CDH18: variants seen among roughly 807,000 people sequenced by gnomAD.
CDH18 encodes the protein cadherin 18, also known as cadherin-18.
In CDH18, 31 loss-of-function variants were observed where a neutral mutation model predicts 67.9. The observed-to-expected ratio is 0.46, with a 90% CI of 0.34 to 0.62. The LOEUF (loss-of-function observed/expected upper bound fraction) is 0.62. Ranked by LOEUF, CDH18 falls within the 20% of genes least tolerant of loss-of-function variation. The pLI is 0.01. For synonymous variants in CDH18, 362 were observed against 347.2 expected (o/e 1.04, Z -0.48); for missense variants, 890 against 975.5 (o/e 0.91, Z 1.17).
intron 2 of CDH18, among the ~76,000 whole-genome samples, chr5:19,965,915 G>A (rs1051084443): frequency 2.6e-5 from 4 of 152,286 alleles, no homozygotes; most frequent in African/African-American, 9.6e-5. Flanking sequence ...GACAGAGACA[G>A]TGTGCATGCA....
At chr5:20,222,832 T>C (rs896096619) in intron 2 of CDH18, among the ~76,000 whole-genome samples, 17 of 151,912 alleles carry the variant, frequency 1.1e-4, no homozygotes, top group African/African-American at 3.9e-4. Context: ...AATAGCCTGA[T>C]TTCCTCATAG....
intron 1 of CDH18, among the ~76,000 whole-genome samples, chr5:20,478,376 C>G (rs187072335): frequency 6.6e-6 from 1 of 152,226 alleles, no homozygotes; most frequent in East Asian, 1.9e-4. Context: ...TGTCTGCTGC[C>G]CTGAAGGCAG....
chr5:19,716,545 G>A (rs916015725), intron 5 of CDH18, among the ~76,000 whole-genome samples: 7 of 151,910 alleles, frequency 4.6e-5, no homozygotes, highest in African/African-American at 1.7e-4. Flanking sequence ...GTCATTATTA[G>A]GTGTAGGGAA....
intron 2 of CDH18, among the ~76,000 whole-genome samples, chr5:20,225,325 T>A (rs1033037248): frequency 6.6e-6 from 1 of 152,174 alleles, no homozygotes; most frequent in South Asian, 2.1e-4. Flanking sequence ...TTTTTATGCC[T>A]ATACAAAATC....
intron 1 of CDH18, among the ~76,000 whole-genome samples, chr5:20,541,307 A>G (rs1757036346): frequency 6.6e-6 from 1 of 152,180 alleles, no homozygotes; most frequent in African/African-American, 2.4e-5. Context: ...GTCTACAATA[A>G]TTTTACACTA....
At chr5:19,598,629 T>A (rs981522855) in intron 6 of CDH18, among the ~76,000 whole-genome samples, 3 of 152,146 alleles carry the variant, frequency 2.0e-5, no homozygotes, top group Admixed American at 6.5e-5. Context: ...AACTAAATGA[T>A]AATTGTATTT....
chr5:19,655,483 A>C (rs1756231521), intron 5 of CDH18, among the ~76,000 whole-genome samples: 1 of 151,904 alleles, frequency 6.6e-6, no homozygotes, highest in African/African-American at 2.4e-5. Context: ...AACTATCTTA[A>C]GATTGATTTT....
intron 1 of CDH18, among the ~76,000 whole-genome samples, chr5:20,318,836 A>T (rs1737711728): frequency 6.6e-6 from 1 of 152,112 alleles, no homozygotes; most frequent in African/African-American, 2.4e-5. Flanking sequence ...TATACAGGCA[A>T]ATCTCTTTTC....
chr5:19,900,943 C>T (rs921453257), intron 2 of CDH18, among the ~76,000 whole-genome samples: 2 of 151,990 alleles, frequency 1.3e-5, no homozygotes, highest in African/African-American at 4.8e-5. Context: ...AAAAAATTAA[C>T]AACTTAGGAA....
At chr5:19,646,948 T>C (rs1288684148) in intron 5 of CDH18, among the ~76,000 whole-genome samples, 1 of 152,152 alleles carries the variant, frequency 6.6e-6, no homozygotes, top group Non-Finnish European at 1.5e-5. Context: ...ACCGTTCAGA[T>C]TTTAAAATGC....
chr5:19,686,576 G>A (rs1761123738), intron 5 of CDH18, among the ~76,000 whole-genome samples: 1 of 152,122 alleles, frequency 6.6e-6, no homozygotes, highest in South Asian at 2.1e-4. Context: ...TGTGTATTCA[G>A]TGGGATGCAG....
intron 1 of CDH18, among the ~76,000 whole-genome samples, chr5:20,396,143 T>C (rs1745258128): frequency 6.6e-6 from 1 of 152,148 alleles, no homozygotes; most frequent in Admixed American, 6.6e-5. Context: ...GAAGTACAGG[T>C]CACAACCTGG....
At chr5:19,899,399 C>A (rs202127875) in intron 2 of CDH18, among the ~76,000 whole-genome samples, 153 of 136,940 alleles carry the variant, frequency 1.1e-3, no homozygotes, top group African/African-American at 1.0e-3. Flanking sequence ...GACTCCATTT[C>A]AAAAAAAAAA....
At chr5:20,523,366 T>C (rs1386131327) in intron 1 of CDH18, among the ~76,000 whole-genome samples, 2 of 152,182 alleles carry the variant, frequency 1.3e-5, no homozygotes, top group African/African-American at 4.8e-5. Flanking sequence ...TCTGACAGCA[T>C]GTTACATGCT....
At chr5:19,744,482 T>C (rs1029191416) in intron 4 of CDH18, among the ~76,000 whole-genome samples, 1 of 147,436 alleles carries the variant, frequency 6.8e-6, no homozygotes, top group Non-Finnish European at 1.5e-5. Context: ...CTCAAAAATA[T>C]CCATTTGTAT....
Position 19,995,408 on chromosome 5 carries a change from C to T in CDH18, c.-517-3394G>A, listed in dbSNP as rs143556664. The stretch of plus-strand genomic sequence containing the variant: ...GCAAGCTACAAATGTGTATCTGGTA[C>T]AATAAATGTCTTAATGCAGCTAGGT... On this transcript the variant is annotated intron_variant, in intron 2 of 14. Coordinates refer to the CDH18 transcript ENST00000507958. 4.3e-3 allele frequency among the ~76,000 whole-genome samples: 650 copies of T among 151,844 alleles called. 3 individuals carry two copies. Among genetic ancestry groups the T allele is most frequent in the Non-Finnish European group, 6.5e-3 (442 of 67,944 alleles).
intron 2 of CDH18, among the ~76,000 whole-genome samples, chr5:19,905,391 G>A (rs1444247059): frequency 6.6e-6 from 1 of 151,764 alleles, no homozygotes; most frequent in Non-Finnish European, 1.5e-5. Flanking sequence ...ATTTGGAAAT[G>A]GCTTGCAAAT....
chr5:19,840,338 A>T (rs1782161394), intron 2 of CDH18, among the ~76,000 whole-genome samples: 1 of 151,522 alleles, frequency 6.6e-6, no homozygotes, highest in Admixed American at 6.6e-5. Flanking sequence ...TTATACTATG[A>T]TTGGGCAACA....
intron 1 of CDH18, among the ~76,000 whole-genome samples, chr5:20,327,207 G>A (rs1738681717): frequency 6.6e-6 from 1 of 152,114 alleles, no homozygotes; most frequent in African/African-American, 2.4e-5. Context: ...TTCAGCTTGG[G>A]AACTGAGTCA....
Sources: gnomAD v4.1 joint callset for allele counts (sites outside exome capture counted in the v4.1 genomes callset) on GRCh38, gnomAD v4.1.1 for gene constraint, MANE v1.5 for transcripts, NCBI Gene and HGNC (gene_info 2026-07-23, HGNC 2026-07-21) for gene names.